Variants in ASTN2 observed in about 807,000 individuals in gnomAD.
ASTN2 encodes the protein astrotactin 2.
A neutral mutation model predicts 139.8 loss-of-function variants in ASTN2; 54 were observed. That is an observed-to-expected ratio of 0.39 (90% CI 0.31 to 0.48). ASTN2 has a LOEUF of 0.48. ASTN2 is among the 20% of genes least tolerant of loss of function. ASTN2 has a pLI of 0.95. For synonymous variants in ASTN2, 756 were observed against 719.5 expected, an observed-to-expected ratio of 1.05 and a Z score of -0.81; for missense variants, 1,565 against 1,725.1, an observed-to-expected ratio of 0.91 and a Z score of 1.64.
intron 1 of ASTN2, among the ~76,000 whole-genome samples, chr9:117,380,381 C>CA (rs1431828472): frequency 2.0e-5 from 3 of 151,932 alleles, no homozygotes; most frequent in Non-Finnish European, 2.9e-5. Context: ...CCAAGGTGGG[C>CA]AAATCACGAG....
chr9:116,562,369 C>G (rs1014422145), intron 19 of ASTN2: 8 of 148,112 alleles, frequency 5.4e-5, no homozygotes, highest in African/African-American at 2.0e-4. Flanking sequence ...TAGCATTCCA[C>G]TGGACTAATG....
intron 2 of ASTN2, among the ~76,000 whole-genome samples, chr9:117,266,915 C>T (rs1833949855): frequency 6.6e-6 from 1 of 152,148 alleles, no homozygotes; most frequent in South Asian, 2.1e-4. Flanking sequence ...GGAGGTGGAT[C>T]TTAATCCCCC....
At chr9:117,248,072 C>T (rs766697180) in intron 2 of ASTN2, among the ~76,000 whole-genome samples, 3 of 152,116 alleles carry the variant, frequency 2.0e-5, no homozygotes, top group Non-Finnish European at 2.9e-5. Context: ...GTCTATTTAC[C>T]GAACACTGTC....
chr9:116,756,795 A>ACACACG (rs1212703469), intron 13 of ASTN2, among the ~76,000 whole-genome samples: 3 of 151,676 alleles, frequency 2.0e-5, no homozygotes, highest in Non-Finnish European at 4.4e-5. Context: ...ACACACACAC[A>ACACACG]CACATACACA....
At chr9:117,375,093 T>G (rs1314196820) in intron 1 of ASTN2, among the ~76,000 whole-genome samples, 1 of 152,198 alleles carries the variant, frequency 6.6e-6, no homozygotes, top group African/African-American at 2.4e-5. Context: ...CACGTTCAGT[T>G]TCAACAAGAA....
intron 19 of ASTN2, among the ~76,000 whole-genome samples, chr9:116,572,560 C>CTTAAGCAGATGGTGAGGAAGGCT (rs553996301): frequency 0.014 from 2,116 of 152,272 alleles, 25 homozygotes; most frequent in Non-Finnish European, 0.023. Flanking sequence ...GCAGATGCGT[C>CTTAAGCAGATGGTGAGGAAGGCT]TTAAGCAGAT....
chr9:116,730,377 T>G (rs942564323), intron 14 of ASTN2, among the ~76,000 whole-genome samples: 1 of 152,176 alleles, frequency 6.6e-6, no homozygotes, highest in Non-Finnish European at 1.5e-5. Flanking sequence ...CTCCTTAGCC[T>G]TTTCAGGAAT....
chr9:117,013,244 C>A (rs58895112), intron 6 of ASTN2, among the ~76,000 whole-genome samples: 1,580 of 152,204 alleles, frequency 0.01, 37 homozygotes, highest in African/African-American at 0.035. Flanking sequence ...ACAAACTACA[C>A]AGAAAAGGAA....
intron 11 of ASTN2, among the ~76,000 whole-genome samples, chr9:116,841,214 A>G (rs1240177439): frequency 1.3e-5 from 2 of 152,218 alleles, no homozygotes; most frequent in African/African-American, 4.8e-5. Context: ...GTCTCCACCA[A>G]GAAAATACGA....
intron 16 of ASTN2, among the ~76,000 whole-genome samples, chr9:116,704,342 A>G (rs1243299451): frequency 6.6e-6 from 1 of 152,138 alleles, no homozygotes; most frequent in Admixed American, 6.5e-5. Context: ...GAACAACAAC[A>G]TCAACAAAAA....
intron 3 of ASTN2, among the ~76,000 whole-genome samples, chr9:117,212,084 G>A (rs1832153389): frequency 6.6e-6 from 1 of 152,126 alleles, no homozygotes; most frequent in African/African-American, 2.4e-5. Flanking sequence ...ATAGATGAAT[G>A]TAACAGAATA....
In ASTN2 at chr9:116,474,795, C is replaced by A. The variant is rs190595514; in HGVS notation, c.3497+12564G>T. 6.0e-4 allele frequency among the ~76,000 whole-genome samples: 92 copies of A among 152,310 alleles called. 1 individual carries two copies. The highest frequency in any genetic ancestry group is 9.4e-4 in the Non-Finnish European group (64 of 68,016). On this transcript the variant is annotated intron_variant, in intron 20 of 22. Coordinates refer to ENST00000313400, the MANE Select transcript of ASTN2 (RefSeq NM_001365068.1). The stretch of plus-strand genomic sequence containing the variant: ...AGGATCAGAAAAATGAAGTTCTTTG[C>A]CCAAGGCCCCAGGTGGATGGACAGC...
intron 16 of ASTN2, among the ~76,000 whole-genome samples, chr9:116,725,239 T>C (rs1251714087): frequency 6.6e-6 from 1 of 151,808 alleles, no homozygotes; most frequent in East Asian, 1.9e-4. Flanking sequence ...TAGCTGAGAG[T>C]CAGAGGAAAA....
At chr9:116,505,824 G>C (rs1032326250) in intron 19 of ASTN2, among the ~76,000 whole-genome samples, 1 of 152,080 alleles carries the variant, frequency 6.6e-6, no homozygotes, top group African/African-American at 2.4e-5. Flanking sequence ...GTGCTCCTGA[G>C]GATGCTCCAG....
intron 6 of ASTN2, among the ~76,000 whole-genome samples, chr9:117,013,178 T>C (rs146193943): frequency 2.4e-4 from 37 of 152,280 alleles, no homozygotes; most frequent in Admixed American, 5.9e-4. Flanking sequence ...AAGAGAGCAC[T>C]AAGTTTAAGG....
chr9:117,294,775 C>A (rs1225820853), intron 1 of ASTN2, among the ~76,000 whole-genome samples: 1 of 152,210 alleles, frequency 6.6e-6, no homozygotes, highest in Non-Finnish European at 1.5e-5. Context: ...TCCATCCCTG[C>A]AGGACTTACA....
chr9:117,414,926 C>A lies in ASTN2; in HGVS notation c.13G>T (p.Gly5Cys). MAAA[G>C]ARLSPGPGSG... ...CCGGGGCCGGGGCTGAGCCGGGCGCCGGCGGCGGCCATGGCGGGAGGGGCT... is the reference window on the plus strand; with the variant it reads ...CCGGGGCCGGGGCTGAGCCGGGCGCAGGCGGCGGCCATGGCGGGAGGGGCT... The change falls in exon 1 of 23, where the codon GGC (glycine) becomes TGC (cysteine). Residue 5 changes from glycine (G) to cysteine (C), a missense_variant. Gly to Cys is a radical substitution (Grantham distance 159). This residue lies in a region of ASTN2 where 596 missense variants were observed against 576.8 expected (regional missense o/e 1.03). Transcript: ENST00000313400. This position sits in a 1 kb window ranked among gnomAD's most constrained non-coding sequence, Gnocchi z 4.2. 1 of 444,106 alleles carries A rather than the reference C, an allele frequency of 2.3e-6. No homozygotes were observed. The highest frequency in any genetic ancestry group is 3.2e-6 in the Non-Finnish European group (1 of 315,344). 27.5% of individuals were successfully genotyped at this position (444,106 alleles called of 1,614,324 possible).
intron 17 of ASTN2, among the ~76,000 whole-genome samples, chr9:116,643,452 G>A (rs1428602384): frequency 6.6e-6 from 1 of 152,144 alleles, no homozygotes; most frequent in Non-Finnish European, 1.5e-5. Flanking sequence ...AAGATATGTG[G>A]CTATGTTTCA....
At chr9:116,696,949 T>C (rs1213051459) in intron 16 of ASTN2, among the ~76,000 whole-genome samples, 1 of 80,462 alleles carries the variant, frequency 1.2e-5, no homozygotes, top group Non-Finnish European at 2.7e-5. Context: ...TGTGACATGA[T>C]TAAAAAAAAA....
Sources: gnomAD v4.1 joint callset for allele counts (sites outside exome capture counted in the v4.1 genomes callset) on GRCh38, gnomAD v4.1.1 for gene constraint, gnomAD v4.1.1 regional missense constraint, Gnocchi (gnomAD v3.1) non-coding constraint, MANE v1.5 for transcripts, NCBI Gene and HGNC (gene_info 2026-07-23, HGNC 2026-07-21) for gene names.